CUL5: variants seen among roughly 807,000 people sequenced by gnomAD.
CUL5 encodes the protein cullin-5.
CUL5 carries 26 observed loss-of-function variants against 108.8 expected under a neutral mutation model. The observed-to-expected ratio is 0.24, with a 90% CI of 0.18 to 0.33. CUL5 has a LOEUF of 0.33. Ranked by LOEUF, CUL5 falls within the 10% of genes least tolerant of loss-of-function variation. The probability of loss-of-function intolerance (pLI) is 1.00; values close to 1 mark genes in which losing one functional copy is unlikely to be tolerated. For missense variants in CUL5, 524 were observed against 909.2 expected, an observed-to-expected ratio of 0.58 and a Z score of 5.45; for synonymous variants, 334 against 298.0, an observed-to-expected ratio of 1.12 and a Z score of -1.25.
chr11:108,040,642 AGT>A (rs1862877167), intron 2 of CUL5, among the ~76,000 whole-genome samples: 1 of 145,264 alleles, frequency 6.9e-6, no homozygotes, highest in Admixed American at 6.9e-5. Context: ...AAAATTAGCC[AGT>A]CGTGGTGGCA....
At chr11:108,101,035 A>G (rs1340361080) in intron 18 of CUL5, among the ~76,000 whole-genome samples, 1 of 152,220 alleles carries the variant, frequency 6.6e-6, no homozygotes, top group African/African-American at 2.4e-5. Flanking sequence ...CTAAAAAAAA[A>G]GAGTTGAAAT....
At chr11:108,038,216 T>A (rs1182483423) in intron 2 of CUL5, among the ~76,000 whole-genome samples, 4 of 149,254 alleles carry the variant, frequency 2.7e-5, no homozygotes, top group African/African-American at 4.9e-5. Context: ...TGGGGTGTTT[T>A]GTTGTTAATG....
At chr11:108,071,913 A>T (rs1448262432) in intron 8 of CUL5, among the ~76,000 whole-genome samples, 1 of 152,130 alleles carries the variant, frequency 6.6e-6, no homozygotes, top group Non-Finnish European at 1.5e-5. Context: ...ACAGTGGCTC[A>T]TACCTATGAT....
intron 18 of CUL5, among the ~76,000 whole-genome samples, chr11:108,099,203 C>T (rs1287501054): frequency 6.6e-6 from 1 of 152,020 alleles, no homozygotes; most frequent in Non-Finnish European, 1.5e-5. Flanking sequence ...CAGGGTTTTG[C>T]CATGTTGCCC....
intron 13 of CUL5, among the ~76,000 whole-genome samples, chr11:108,091,847 G>GC (rs1864371670): frequency 6.6e-6 from 1 of 151,676 alleles, no homozygotes; most frequent in African/African-American, 2.4e-5. Context: ...TTAGTGAAAT[G>GC]CAAGTGAAAT....
At chr11:108,054,311 T>TA (rs1863318162) in intron 5 of CUL5, among the ~76,000 whole-genome samples, 1 of 152,246 alleles carries the variant, frequency 6.6e-6, no homozygotes, top group South Asian at 2.1e-4. Flanking sequence ...CTTACCTTAC[T>TA]AATCTCCGTT....
intron 7 of CUL5, among the ~76,000 whole-genome samples, chr11:108,066,614 C>T (rs1863688114): frequency 6.6e-6 from 1 of 152,130 alleles, no homozygotes. Flanking sequence ...ATCATCTAGC[C>T]TTCATCAGTT....
chr11:108,066,067 G>A (rs1007989135), intron 7 of CUL5, among the ~76,000 whole-genome samples: 6 of 152,150 alleles, frequency 3.9e-5, no homozygotes, highest in Non-Finnish European at 8.8e-5. Context: ...CTGGCTGGCC[G>A]TGGTGGCTCA....
At chr11:108,029,279 G>C (rs988261356) in intron 1 of CUL5, among the ~76,000 whole-genome samples, 1 of 152,154 alleles carries the variant, frequency 6.6e-6, no homozygotes, top group Non-Finnish European at 1.5e-5. Flanking sequence ...GTGAGAAGAA[G>C]AGTGCCTGTG....
chr11:108,091,035 A>ATTTT (rs1381234151), intron 13 of CUL5, among the ~76,000 whole-genome samples: 1 of 151,764 alleles, frequency 6.6e-6, no homozygotes, highest in Admixed American at 6.6e-5. Flanking sequence ...TTAGAATTAA[A>ATTTT]TTTTCTTTCT....
intron 2 of CUL5, among the ~76,000 whole-genome samples, chr11:108,042,883 C>T (rs1312168229): frequency 7.1e-6 from 1 of 141,344 alleles, no homozygotes; most frequent in Non-Finnish European, 1.6e-5. Flanking sequence ...TTGCCTTAGC[C>T]TCTTGAGTAC....
intron 15 of CUL5, 117 bp downstream of exon 15, chr11:108,095,104 A>G: frequency 3.7e-6 from 3 of 818,716 alleles, no homozygotes; most frequent in Non-Finnish European, 5.6e-6. Flanking sequence ...AAGTTTGAGC[A>G]GAAATAGTGA....
chr11:108,091,902 T>G (rs1864372534), intron 13 of CUL5, among the ~76,000 whole-genome samples: 1 of 152,128 alleles, frequency 6.6e-6, no homozygotes, highest in South Asian at 2.1e-4. Context: ...TTTGAAAGGC[T>G]GAGGTGGGAG....
In CUL5 at chr11:108,078,165, A is replaced by G. The variant is rs1565261224; in HGVS notation, c.1114-11A>G. The G allele has an allele frequency of 5.4e-6, 8 of 1,477,370 alleles. No individual in the cohort carries two copies. Among genetic ancestry groups the G allele is most frequent in the East Asian group, 2.3e-5 (1 of 42,638 alleles). The allele number at this position is 1,477,370 out of a possible 1,614,324, so 91.5% of individuals were successfully genotyped here. On this transcript the variant is annotated splice_polypyrimidine_tract_variant and intron_variant, in intron 10 of 18. Coordinates refer to ENST00000393094, the MANE Select transcript of CUL5 (RefSeq NM_003478.6). ...TATTAAAAATATTTTATTCCAAATTATTTTTTGCAGGCGTATAAAGCAGTT... is the reference window on the plus strand; with the variant it reads ...TATTAAAAATATTTTATTCCAAATTGTTTTTTGCAGGCGTATAAAGCAGTT...
At chr11:108,079,251 A>C (rs1864011345) in intron 11 of CUL5, among the ~76,000 whole-genome samples, 1 of 151,992 alleles carries the variant, frequency 6.6e-6, no homozygotes, top group Non-Finnish European at 1.5e-5. Context: ...TTACAGGCAC[A>C]CACCACCATG....
intron 1 of CUL5, among the ~76,000 whole-genome samples, chr11:108,014,979 ACCTC>A (rs1178247172): frequency 6.6e-6 from 1 of 152,042 alleles, no homozygotes; most frequent in Non-Finnish European, 1.5e-5. Context: ...GCTCACTGCA[ACCTC>A]CACCTCCTGG....
intron 1 of CUL5, among the ~76,000 whole-genome samples, chr11:108,009,792 C>T (rs1249614508): frequency 2.6e-5 from 4 of 152,048 alleles, no homozygotes; most frequent in Admixed American, 2.6e-4. Flanking sequence ...GTGACTCGAC[C>T]CCCCACTTCT....
At chr11:108,063,615 A>C (rs1288784528) in intron 7 of CUL5, among the ~76,000 whole-genome samples, 1 of 147,452 alleles carries the variant, frequency 6.8e-6, no homozygotes, top group African/African-American at 2.5e-5. Flanking sequence ...TTTAAAGTAT[A>C]ATGATAATAA....
chr11:108,099,352 A>G (rs926604447), intron 18 of CUL5, among the ~76,000 whole-genome samples: 2 of 152,220 alleles, frequency 1.3e-5, no homozygotes, highest in African/African-American at 4.8e-5. Context: ...TTAAAAATGC[A>G]TATTACCTAT....
Sources: allele counts gnomAD v4.1 joint callset (sites outside exome capture counted in the v4.1 genomes callset), GRCh38; gene constraint gnomAD v4.1.1; transcripts MANE v1.5; gene names NCBI Gene and HGNC (gene_info 2026-07-23, HGNC 2026-07-21).